The following HIP1 variants were observed in gnomAD, a reference collection of about 807,000 sequenced individuals.
HIP1 encodes huntingtin-interacting protein 1.
In HIP1, 65 loss-of-function variants were observed where a neutral mutation model predicts 147.6. The observed-to-expected ratio is 0.44, with a 90% CI of 0.36 to 0.54. HIP1 has a LOEUF of 0.54. Among genes scored for constraint, HIP1 ranks in the 20% least tolerant of loss-of-function variants. The pLI is 0.00. For synonymous variants in HIP1, 479 were observed against 504.0 expected, an observed-to-expected ratio of 0.95 and a Z score of 0.67; for missense variants, 1,061 against 1,299.6, an observed-to-expected ratio of 0.82 and a Z score of 2.82.
Position 75,592,373 on chromosome 7 carries a change from T to C in HIP1, c.326A>G (p.Asn109Ser), listed in dbSNP as rs781905402. Residue 109 changes from asparagine (N) to serine (S), a missense_variant and splice_region_variant, in exon 3 of 31, where the codon AAC (asparagine) becomes AGC (serine). Physicochemically the swap from Asn to Ser is conservative, Grantham distance 46. Transcript: ENST00000336926. ...FHKLLRDGHP[N>S]VLKDSLRYRN... ...CACCCCATAGCCCCAGGAACTCACG[T>C]TCGGGTGTCCATCTCGGAGGAGTTT... 2 of 1,604,528 alleles carry C rather than the reference T, an allele frequency of 1.2e-6. No homozygotes were observed. The highest frequency in any genetic ancestry group is 1.8e-5 in the Admixed American group (1 of 56,430).
In HIP1 at chr7:75,611,854, C is replaced by T. The variant is rs372948305; in HGVS notation, c.121-12607G>A. ...CGGAGAGCCAATTACCAGCAGGCAC[C>T]GCAGGAAGGGCGCCTTTCTCCCAGC... On this transcript the variant is annotated intron_variant, in intron 1 of 30. Coordinates refer to ENST00000336926, the MANE Select transcript of HIP1 (RefSeq NM_005338.7). The T allele has an allele frequency of 9.9e-5, 101 of 1,022,910 alleles. No individual in the cohort carries two copies. The East Asian group carries it at 1.6e-3, about 16-fold the overall frequency. 63.4% of individuals were successfully genotyped at this position (1,022,910 alleles called of 1,614,324 possible). A position where few individuals can be genotyped will look rare whatever the true frequency, so the allele number is the denominator to read the frequency against.
At chr7:75,588,310 A>G (rs1264265757) in intron 4 of HIP1, among the ~76,000 whole-genome samples, 2 of 152,234 alleles carry the variant, frequency 1.3e-5, no homozygotes, top group Non-Finnish European at 2.9e-5. Context: ...GTAACCGAAC[A>G]TAAAGAAAAC....
At chr7:75,633,512 T>C (rs1584903265) in intron 1 of HIP1, among the ~76,000 whole-genome samples, 1 of 152,246 alleles carries the variant, frequency 6.6e-6, no homozygotes, top group East Asian at 1.9e-4. Context: ...GACTGGTCTC[T>C]AACTCCTGAC....
chr7:75,638,465 C>T (rs1271597267), intron 1 of HIP1, among the ~76,000 whole-genome samples: 4 of 152,146 alleles, frequency 2.6e-5, no homozygotes, highest in Non-Finnish European at 5.9e-5. Flanking sequence ...CGGAGTCATG[C>T]TTAGGAGGCG....
chr7:75,715,146 T>C (rs1369501505), intron 1 of HIP1, among the ~76,000 whole-genome samples: 3 of 151,990 alleles, frequency 2.0e-5, no homozygotes, highest in South Asian at 2.1e-4. Flanking sequence ...TCCCAGCACA[T>C]TGGGAGGCCA....
intron 1 of HIP1, among the ~76,000 whole-genome samples, chr7:75,607,925 C>T (rs75215294): frequency 0.01 from 1,580 of 152,074 alleles, 31 homozygotes; most frequent in African/African-American, 0.036. Flanking sequence ...AAGATGAAAT[C>T]CAGTAGGTAC....
chr7:75,687,940 G>A (rs185876108), intron 1 of HIP1, among the ~76,000 whole-genome samples: 8 of 152,130 alleles, frequency 5.3e-5, no homozygotes, highest in Non-Finnish European at 1.0e-4. Flanking sequence ...TGGAGCGCTG[G>A]ATTTTCTCTC....
chr7:75,601,149 T>C (rs1796956856), intron 1 of HIP1, among the ~76,000 whole-genome samples: 2 of 152,078 alleles, frequency 1.3e-5, no homozygotes, highest in African/African-American at 4.8e-5. Flanking sequence ...CATTCTGAAA[T>C]ATTTACTGGC....
chr7:75,559,024 A>G (rs1199371011), intron 14 of HIP1, among the ~76,000 whole-genome samples: 1 of 152,220 alleles, frequency 6.6e-6, no homozygotes, highest in Non-Finnish European at 1.5e-5. Flanking sequence ...ACCTCAAAAA[A>G]ATAAAACAAA....
intron 1 of HIP1, among the ~76,000 whole-genome samples, chr7:75,603,550 T>C (rs1402556048): frequency 6.6e-6 from 1 of 151,942 alleles, no homozygotes; most frequent in East Asian, 1.9e-4. Flanking sequence ...AGCACATGAT[T>C]TGGGGCTCTC....
At chr7:75,553,303 G>A (rs1794857624) in intron 22 of HIP1, 150 bp downstream of exon 22, 3 of 1,000,628 alleles carry the variant, frequency 3.0e-6, no homozygotes, top group Non-Finnish European at 4.4e-6. Context: ...ACTGCACCCG[G>A]CCAGATTTTC....
At chr7:75,656,768 C>T (rs555044565) in intron 1 of HIP1, among the ~76,000 whole-genome samples, 140 of 152,280 alleles carry the variant, frequency 9.2e-4, no homozygotes, top group African/African-American at 3.3e-3. Flanking sequence ...TGAGCCACTG[C>T]GCCTGGCTGA....
intron 1 of HIP1, among the ~76,000 whole-genome samples, chr7:75,664,596 GGA>G (rs145351179): frequency 0.073 from 8,414 of 114,944 alleles, 504 homozygotes; most frequent in Admixed American, 0.22. Context: ...ATATGTATAG[GGA>G]GAGAGAGAGA....
intron 1 of HIP1, among the ~76,000 whole-genome samples, chr7:75,694,062 G>A (rs1800549200): frequency 6.6e-6 from 1 of 151,586 alleles, no homozygotes; most frequent in Non-Finnish European, 1.5e-5. Flanking sequence ...TGGGATTACA[G>A]GCACGTGCCA....
chr7:75,664,136 GTACA>G (rs141591906), intron 1 of HIP1, among the ~76,000 whole-genome samples: 12,968 of 41,194 alleles, frequency 0.31, 3,494 homozygotes, highest in Middle Eastern at 0.43. Flanking sequence ...ACACATGTGT[GTACA>G]TACATACATG....
chr7:75,694,806 G>A (rs182090294), intron 1 of HIP1, among the ~76,000 whole-genome samples: 9 of 151,698 alleles, frequency 5.9e-5, no homozygotes, highest in South Asian at 4.2e-4. Flanking sequence ...CACCATGCCC[G>A]GCCTGGATTG....
chr7:75,652,097 C>T (rs1799013103), intron 1 of HIP1, among the ~76,000 whole-genome samples: 1 of 151,230 alleles, frequency 6.6e-6, no homozygotes, highest in Admixed American at 6.6e-5. Flanking sequence ...AGGTGGATCA[C>T]CTGAGGTCAG....
At chr7:75,732,301 A>T (rs1386781986) in intron 1 of HIP1, among the ~76,000 whole-genome samples, 3 of 152,092 alleles carry the variant, frequency 2.0e-5, no homozygotes, top group Non-Finnish European at 4.4e-5. Context: ...TTCTCAACGC[A>T]GGATGCATTA....
intron 1 of HIP1, among the ~76,000 whole-genome samples, chr7:75,650,034 A>AC (rs1232317323): frequency 2.6e-4 from 39 of 151,962 alleles, no homozygotes; most frequent in African/African-American, 9.4e-4. Flanking sequence ...TGCCAGGTGC[A>AC]CCCCCAGAGC....
Sources: gnomAD v4.1 joint callset for allele counts (sites outside exome capture counted in the v4.1 genomes callset) on GRCh38, gnomAD v4.1.1 for gene constraint, MANE v1.5 for transcripts, NCBI Gene and HGNC (gene_info 2026-07-23, HGNC 2026-07-21) for gene names.